Variants in THSD7A observed in about 807,000 individuals in gnomAD.
THSD7A encodes thrombospondin type 1 domain containing 7A, also known as thrombospondin type-1 domain-containing protein 7A.
Under a neutral mutation model 231.3 loss-of-function variants are expected in THSD7A, and 96 were observed. That is an observed-to-expected ratio of 0.41 (90% CI 0.35 to 0.49). The LOEUF is 0.49. Ranked by LOEUF, THSD7A falls within the 20% of genes least tolerant of loss-of-function variation. THSD7A has a pLI of 0.05. For missense variants in THSD7A, 2,290 were observed against 2,070.2 expected (o/e 1.11, Z -2.06); for synonymous variants, 940 against 743.3 (o/e 1.26, Z -4.30).
chr7:11,442,405 A>C (rs1340757762), intron 13 of THSD7A, among the ~76,000 whole-genome samples: 1 of 152,046 alleles, frequency 6.6e-6, no homozygotes, highest in Non-Finnish European at 1.5e-5. Context: ...GATAGACAAC[A>C]ATGATTAAAC....
rs113246390 is a variant in THSD7A at position 11,490,660 on chromosome 7, A to G, written c.1823-8678T>C. Among the ~76,000 whole-genome samples, 383 of 152,070 alleles carry G rather than the reference A, an allele frequency of 2.5e-3. 2 individuals are homozygous for G. The highest frequency in any genetic ancestry group is 8.7e-3 in the African/African-American group (361 of 41,514). Reference sequence around the variant, plus strand: ...CCCCAGTTATTCATTTTATATCTTCATTCTTGAATAGTTCTTTCTTGTGAT... The same window carrying G: ...CCCCAGTTATTCATTTTATATCTTCGTTCTTGAATAGTTCTTTCTTGTGAT... On this transcript the variant is annotated intron_variant, in intron 6 of 27. Coordinates refer to ENST00000423059, the MANE Select transcript of THSD7A (RefSeq NM_015204.3).
intron 6 of THSD7A, among the ~76,000 whole-genome samples, chr7:11,488,810 C>T (rs190473164): frequency 7.0e-4 from 106 of 152,240 alleles, no homozygotes; most frequent in African/African-American, 2.3e-3. Flanking sequence ...GTTTTCTCTA[C>T]ATTCTATCCA....
At chr7:11,549,470 T>C (rs1352972247) in intron 4 of THSD7A, among the ~76,000 whole-genome samples, 1 of 152,100 alleles carries the variant, frequency 6.6e-6, no homozygotes, top group Admixed American at 6.6e-5. Context: ...TATAAAGATA[T>C]ATGCATGCTC....
At chr7:11,574,399 A>G (rs996231277) in intron 4 of THSD7A, among the ~76,000 whole-genome samples, 18 of 151,722 alleles carry the variant, frequency 1.2e-4, no homozygotes. Context: ...GAATAAATGT[A>G]TGGATACCTT....
At chr7:11,675,810 C>A (rs535996760) in intron 1 of THSD7A, among the ~76,000 whole-genome samples, 1 of 152,298 alleles carries the variant, frequency 6.6e-6, no homozygotes, top group South Asian at 2.1e-4. Flanking sequence ...GACAGAGCAA[C>A]TGAGGTAAGG....
intron 6 of THSD7A, among the ~76,000 whole-genome samples, chr7:11,523,330 C>T (rs1356916758): frequency 2.0e-5 from 3 of 151,946 alleles, no homozygotes; most frequent in Non-Finnish European, 4.4e-5. Flanking sequence ...ACTAGAAATA[C>T]AAGTAATGGC....
intron 6 of THSD7A, among the ~76,000 whole-genome samples, chr7:11,520,332 G>A (rs10262606): frequency 0.16 from 24,584 of 152,020 alleles, 2,352 homozygotes; most frequent in African/African-American, 0.27. Flanking sequence ...CAAAAATTAG[G>A]TATGATCGAC....
chr7:11,529,832 A>G (rs1435849021), intron 6 of THSD7A, among the ~76,000 whole-genome samples: 1 of 152,224 alleles, frequency 6.6e-6, no homozygotes, highest in African/African-American at 2.4e-5. Context: ...AATTAAAAAC[A>G]AGGCAGTCTC....
chr7:11,575,295 C>G (rs962403178), intron 4 of THSD7A, among the ~76,000 whole-genome samples: 2 of 152,130 alleles, frequency 1.3e-5, no homozygotes, highest in Non-Finnish European at 2.9e-5. Context: ...ATTGTTAACA[C>G]TGGGTCTTTC....
chr7:11,660,236 G>A (rs1348852679), intron 1 of THSD7A, among the ~76,000 whole-genome samples: 1 of 151,490 alleles, frequency 6.6e-6, no homozygotes, highest in Non-Finnish European at 1.5e-5. Flanking sequence ...ATTCTCTGAT[G>A]TTCAAAAGAG....
chr7:11,683,878 C>T lies in THSD7A; in HGVS notation c.191-46917G>A, dbSNP rs567197698. ...TTCCTCTGTAACTCATTGTACAAAT[C>T]GATATCATCCTGATAATAAAATCTA... On this transcript the variant is annotated intron_variant, in intron 1 of 27. Coordinates refer to ENST00000423059, the MANE Select transcript of THSD7A (RefSeq NM_015204.3). 9.3e-4 allele frequency among the ~76,000 whole-genome samples: 141 copies of T among 151,974 alleles called. 2 individuals carry two copies. Among genetic ancestry groups the T allele is most frequent in the Middle Eastern group, 3.4e-3 (1 of 294 alleles).
chr7:11,749,925 G>A (rs1782443569), intron 1 of THSD7A, among the ~76,000 whole-genome samples: 1 of 151,878 alleles, frequency 6.6e-6, no homozygotes, highest in South Asian at 2.1e-4. Context: ...CACTGAGGCT[G>A]TATGAACAGA....
At chr7:11,578,682 G>T (rs1039660424) in intron 4 of THSD7A, among the ~76,000 whole-genome samples, 2 of 152,208 alleles carry the variant, frequency 1.3e-5, no homozygotes, top group African/African-American at 4.8e-5. Flanking sequence ...GATGATTAAG[G>T]TCTTGTAATT....
In THSD7A at chr7:11,816,416, T is replaced by C. The variant is rs557752858; in HGVS notation, c.190+15341A>G. ...CATTCCTGCCTCAATGATGTCATAA[T>C]CAATGGAAACTATTCACAAGTAATG... is the stretch of plus-strand genomic sequence containing the variant. On this transcript the variant is annotated intron_variant, in intron 1 of 27. Coordinates refer to ENST00000423059, the MANE Select transcript of THSD7A (RefSeq NM_015204.3). Among the ~76,000 whole-genome samples, 20 of 152,324 alleles carry C rather than the reference T, an allele frequency of 1.3e-4. No homozygotes were observed. In the South Asian group the frequency reaches 3.9e-3, roughly 30 times the overall value.
At chr7:11,747,549 C>A (rs911131264) in intron 1 of THSD7A, among the ~76,000 whole-genome samples, 5 of 151,876 alleles carry the variant, frequency 3.3e-5, no homozygotes, top group African/African-American at 1.2e-4. Context: ...TATACCATAA[C>A]TTTTATGTCT....
At chr7:11,465,902 C>T (rs751363950) in intron 9 of THSD7A, among the ~76,000 whole-genome samples, 2 of 151,972 alleles carry the variant, frequency 1.3e-5, no homozygotes, top group African/African-American at 2.4e-5. Flanking sequence ...TTTTAAAATG[C>T]CCTCTGTCAA....
intron 1 of THSD7A, chr7:11,820,547 A>G (rs1189840655): frequency 4.2e-6 from 3 of 719,526 alleles, no homozygotes; most frequent in African/African-American, 1.8e-5. Flanking sequence ...TTCTTTTTTG[A>G]AAATCATTGT....
In THSD7A at chr7:11,468,388, T is replaced by TA. The variant is rs879316312; in HGVS notation, c.2368+1490dup. 2.3e-3 allele frequency among the ~76,000 whole-genome samples: 316 copies of TA among 140,296 alleles called. 2 individuals carry two copies. The highest frequency in any genetic ancestry group is 3.6e-3 in the Admixed American group (50 of 13,974). 92.0% of individuals were successfully genotyped at this position (140,296 alleles called of 152,430 possible). ...CAACTGTGACCGGTGTTATTCAGCT[T>TA]AAAAAAAAAAAAAGGAATAAGAGAG... On this transcript the variant is annotated intron_variant, in intron 9 of 27. Transcript: ENST00000423059.
intron 1 of THSD7A, among the ~76,000 whole-genome samples, chr7:11,691,359 T>C (rs1011484108): frequency 4.0e-5 from 6 of 151,458 alleles, no homozygotes; most frequent in African/African-American, 1.5e-4. Flanking sequence ...GTATATGATA[T>C]CAAAACAGAG....
Sources: gnomAD v4.1 joint callset for allele counts (sites outside exome capture counted in the v4.1 genomes callset) on GRCh38, gnomAD v4.1.1 for gene constraint, MANE v1.5 for transcripts, NCBI Gene and HGNC (gene_info 2026-07-23, HGNC 2026-07-21) for gene names.